MICU1: variants seen among roughly 807,000 people sequenced by gnomAD.
The protein encoded by MICU1 is calcium uptake protein 1, mitochondrial.
MICU1 carries 45 observed loss-of-function variants against 56.8 expected under a neutral mutation model. That is an observed-to-expected ratio of 0.79 (90% CI 0.62 to 1.02). The LOEUF (loss-of-function observed/expected upper bound fraction) is 1.02, where lower values mean the gene tolerates loss of function less well. MICU1 is among the 50% of genes least tolerant of loss of function. The pLI, the probability that MICU1 is intolerant of heterozygous loss-of-function variation, is 0.00. For synonymous variants in MICU1, 186 were observed against 195.1 expected (o/e 0.95, Z 0.39); for missense variants, 504 against 587.1 (o/e 0.86, Z 1.46).
chr10:72,465,040 G>A (rs763676455), intron 8 of MICU1, among the ~76,000 whole-genome samples: 2 of 152,050 alleles, frequency 1.3e-5, no homozygotes, highest in Non-Finnish European at 2.9e-5. Context: ...TTGCTCTGTC[G>A]CCCAGGCTGG....
At chr10:72,460,683 G>C (rs1274746679) in intron 8 of MICU1, among the ~76,000 whole-genome samples, 3 of 152,168 alleles carry the variant, frequency 2.0e-5, no homozygotes, top group Non-Finnish European at 4.4e-5. Flanking sequence ...TGACTGCAGA[G>C]CTGGCTCTGG....
chr10:72,417,609 T>C (rs114124003), intron 9 of MICU1, among the ~76,000 whole-genome samples: 3,208 of 152,344 alleles, frequency 0.021, 103 homozygotes, highest in African/African-American at 0.073. Context: ...TAGTAGCTTC[T>C]GCATTCATAA....
rs182574149 is a variant in MICU1 at position 72,397,118 on chromosome 10, A to G, written c.1180+10811T>C. ...ACCCTACAAGCCAGAAGAGAGTGGG[A>G]GCCAATATTCAACATTCTTAAAGAA... On this transcript the variant is annotated intron_variant, in intron 10 of 11. Transcript: ENST00000361114. Among the ~76,000 whole-genome samples, 128 of 152,320 alleles carry G rather than the reference A, an allele frequency of 8.4e-4. 3 individuals are homozygous for G. The East Asian group carries it at 0.02, about 24-fold the overall frequency.
chr10:72,368,340 C>A lies in MICU1; in HGVS notation c.1286G>T (p.Ser429Ile). The change falls in exon 12 of 12, where the codon AGC (serine) becomes ATC (isoleucine). Residue 429 changes from serine (S) to isoleucine (I), a missense_variant. By Grantham distance (142) the Ser-to-Ile change is moderately radical. Coordinates refer to ENST00000361114, the MANE Select transcript of MICU1 (RefSeq NM_001195518.2). The part of the protein sequence containing the change: ...LFDCDGNGEL[S>I]NKEFVSIMKQ... ...CATGATGGAAACAAATTCCTTATTG[C>A]TCAGTTCGCCATTGCCTAGAGGAAG... The A allele has an allele frequency of 1.2e-6, 2 of 1,613,768 alleles. No individual in the cohort carries two copies. Among genetic ancestry groups the A allele is most frequent in the Non-Finnish European group, 1.7e-6 (2 of 1,179,716 alleles).
At chr10:72,468,614 T>C (rs1460017063) in intron 8 of MICU1, among the ~76,000 whole-genome samples, 2 of 150,308 alleles carry the variant, frequency 1.3e-5, no homozygotes, top group East Asian at 3.9e-4. Flanking sequence ...GAAAAAAGGG[T>C]AGAATGAAAA....
At chr10:72,586,333 T>C (rs1841058646) in intron 1 of MICU1, among the ~76,000 whole-genome samples, 1 of 151,944 alleles carries the variant, frequency 6.6e-6, no homozygotes, top group Admixed American at 6.6e-5. Context: ...TAATCCATGG[T>C]TGGTTGAATC....
At chr10:72,601,709 T>C (rs1841540706) in intron 1 of MICU1, among the ~76,000 whole-genome samples, 1 of 152,000 alleles carries the variant, frequency 6.6e-6, no homozygotes, top group Non-Finnish European at 1.5e-5. Flanking sequence ...GCGTGTGTAT[T>C]AATATGCTCA....
At chr10:72,488,504 G>T (rs7477602) in intron 6 of MICU1, among the ~76,000 whole-genome samples, 2 of 151,980 alleles carry the variant, frequency 1.3e-5, no homozygotes, top group Non-Finnish European at 2.9e-5. Flanking sequence ...TTAGAAAAGA[G>T]AAAAATATTA....
chr10:72,442,291 C>T (rs887375254), intron 8 of MICU1, among the ~76,000 whole-genome samples: 1 of 151,858 alleles, frequency 6.6e-6, no homozygotes, highest in Admixed American at 6.6e-5. Context: ...TGCAGGTGCA[C>T]ACCACCATGC....
intron 1 of MICU1, among the ~76,000 whole-genome samples, chr10:72,622,008 G>A (rs1842115495): frequency 6.6e-6 from 1 of 152,144 alleles, no homozygotes; most frequent in South Asian, 2.1e-4. Context: ...CTGCCTCCCA[G>A]GTTCACGCCA....
chr10:72,369,987 T>TC (rs71018277), intron 11 of MICU1, among the ~76,000 whole-genome samples: 152,166 of 152,174 alleles, frequency 1, 76,079 homozygotes, highest in Middle Eastern at 1. Context: ...CATGCCATTC[T>TC]CTGCTCAGCC....
rs560603943 is a variant in MICU1 at position 72,420,345 on chromosome 10, G to A, written c.1071+2889C>T. On this transcript the variant is annotated intron_variant, in intron 9 of 11. Coordinates refer to ENST00000361114, the MANE Select transcript of MICU1 (RefSeq NM_001195518.2). ...CAAAGTGCTGGGATTACAGGCATGA[G>A]CCACTGCGCCCAGCCATAAGACATG... Among the ~76,000 whole-genome samples the A allele has an allele frequency of 3.3e-5, 5 of 152,312 alleles. No homozygotes were observed. In the South Asian group the frequency reaches 1.0e-3, roughly 32 times the overall value.
At chr10:72,511,575 T>C (rs978925060) in intron 5 of MICU1, among the ~76,000 whole-genome samples, 6 of 152,174 alleles carry the variant, frequency 3.9e-5, no homozygotes, top group Non-Finnish European at 8.8e-5. Flanking sequence ...TCATCTGAAA[T>C]ACCCTGAGAA....
At chr10:72,482,615 T>C (rs931190851) in intron 6 of MICU1, among the ~76,000 whole-genome samples, 4 of 152,034 alleles carry the variant, frequency 2.6e-5, no homozygotes, top group Admixed American at 2.6e-4. Flanking sequence ...ACAGTCCAAA[T>C]CTACCCTGTG....
chr10:72,411,183 T>A (rs1863798799), intron 9 of MICU1, among the ~76,000 whole-genome samples: 1 of 152,156 alleles, frequency 6.6e-6, no homozygotes, highest in Non-Finnish European at 1.5e-5. Context: ...ATGGTGGTTG[T>A]CAGGAGCTGG....
At chr10:72,594,210 C>T (rs569658684) in intron 1 of MICU1, among the ~76,000 whole-genome samples, 4 of 152,260 alleles carry the variant, frequency 2.6e-5, no homozygotes, top group East Asian at 3.9e-4. Flanking sequence ...CCCTCACATA[C>T]GTGGTCACAT....
chr10:72,523,986 C>T (rs912303798), intron 5 of MICU1: 1 of 1,278,708 alleles, frequency 7.8e-7, no homozygotes, highest in South Asian at 3.0e-5. Context: ...GAGCAAAGTG[C>T]AACCAAGCAA....
chr10:72,472,276 A>G (rs899202883), intron 8 of MICU1, among the ~76,000 whole-genome samples: 3 of 152,206 alleles, frequency 2.0e-5, no homozygotes, highest in Non-Finnish European at 4.4e-5. Context: ...GCTAACTAGA[A>G]TATTTAGAAA....
chr10:72,550,014 T>C (rs1197893223), intron 4 of MICU1, among the ~76,000 whole-genome samples: 4 of 151,918 alleles, frequency 2.6e-5, no homozygotes, highest in Non-Finnish European at 5.9e-5. Flanking sequence ...GACGTTTTGG[T>C]CAACAAAGGA....
Sources: gnomAD v4.1 joint callset for allele counts (sites outside exome capture counted in the v4.1 genomes callset) on GRCh38, gnomAD v4.1.1 for gene constraint, MANE v1.5 for transcripts, NCBI Gene and HGNC (gene_info 2026-07-23, HGNC 2026-07-21) for gene names.